Variants in GRM7 observed in about 807,000 individuals in gnomAD.
The protein encoded by GRM7 is metabotropic glutamate receptor 7.
In GRM7, 35 loss-of-function variants were observed where a neutral mutation model predicts 84.5. That is an observed-to-expected ratio of 0.41 (90% CI 0.32 to 0.55). The LOEUF (loss-of-function observed/expected upper bound fraction) is 0.55, where lower values mean the gene tolerates loss of function less well. Ranked by LOEUF, GRM7 falls within the 20% of genes least tolerant of loss-of-function variation. GRM7 has a pLI of 0.19. For missense variants in GRM7, 1,003 were observed against 1,194.6 expected, an observed-to-expected ratio of 0.84 and a Z score of 2.36; for synonymous variants, 487 against 455.1, an observed-to-expected ratio of 1.07 and a Z score of -0.89.
chr3:6,996,057 A>ATT (rs60520890), intron 1 of GRM7, among the ~76,000 whole-genome samples: 9 of 151,270 alleles, frequency 5.9e-5, no homozygotes, highest in South Asian at 2.1e-4. Flanking sequence ...TCTACAATAT[A>ATT]TTTTTTTTTG....
chr3:7,694,833 A>G (rs1315559046), intron 9 of GRM7, among the ~76,000 whole-genome samples: 4 of 152,174 alleles, frequency 2.6e-5, no homozygotes, highest in Admixed American at 2.0e-4. Context: ...CAAACCTTCT[A>G]AAGTACATTT....
intron 8 of GRM7, among the ~76,000 whole-genome samples, chr3:7,640,073 C>T (rs896453214): frequency 2.0e-5 from 3 of 152,140 alleles, no homozygotes; most frequent in African/African-American, 7.2e-5. Context: ...ATAAGACATC[C>T]TTGCCTAACA....
intron 4 of GRM7, among the ~76,000 whole-genome samples, chr3:7,320,017 T>C (rs1700717859): frequency 6.6e-6 from 1 of 152,046 alleles, no homozygotes; most frequent in African/African-American, 2.4e-5. Flanking sequence ...AATTCTACCA[T>C]CCTCATAGAG....
chr3:6,906,078 T>C (rs1696564432), intron 1 of GRM7, among the ~76,000 whole-genome samples: 3 of 152,228 alleles, frequency 2.0e-5, no homozygotes, highest in Non-Finnish European at 4.4e-5. Flanking sequence ...AACATTTTTC[T>C]CCTGGTTTCT....
chr3:7,726,708 T>C (rs1559507986), intron 9 of GRM7, among the ~76,000 whole-genome samples: 1 of 137,106 alleles, frequency 7.3e-6, no homozygotes. Flanking sequence ...GCACACATCA[T>C]GACTGTAATA....
At chr3:7,655,819 T>C (rs184706888) in intron 8 of GRM7, among the ~76,000 whole-genome samples, 3 of 152,286 alleles carry the variant, frequency 2.0e-5, no homozygotes, top group Admixed American at 1.3e-4. Context: ...GGAAATCTGT[T>C]TACCCATGCA....
At chr3:7,448,473 C>T (rs1362895091) in intron 5 of GRM7, among the ~76,000 whole-genome samples, 1 of 152,186 alleles carries the variant, frequency 6.6e-6, no homozygotes, top group Non-Finnish European at 1.5e-5. Context: ...GAAATCCTTA[C>T]TCACATTGGT....
intron 1 of GRM7, among the ~76,000 whole-genome samples, chr3:6,932,619 C>T (rs1697543287): frequency 6.6e-6 from 1 of 151,984 alleles, no homozygotes; most frequent in Admixed American, 6.6e-5. Context: ...TTTCTTACAG[C>T]TTCAATGATA....
chr3:7,738,732 TTTTTTTC>T (rs201937038), intron 9 of GRM7, among the ~76,000 whole-genome samples: 3,984 of 148,648 alleles, frequency 0.027, 182 homozygotes, highest in African/African-American at 0.096. Flanking sequence ...TCTTTTTTTT[TTTTTTTC>T]CCCTTCTTTT....
intron 1 of GRM7, among the ~76,000 whole-genome samples, chr3:6,899,173 T>C (rs896515642): frequency 2.0e-5 from 3 of 152,218 alleles, no homozygotes; most frequent in South Asian, 2.1e-4. Context: ...CATTGAATGC[T>C]TGTTATATCC....
At chr3:6,882,962 T>G (rs941545577) in intron 1 of GRM7, among the ~76,000 whole-genome samples, 15 of 152,198 alleles carry the variant, frequency 9.9e-5, no homozygotes, top group South Asian at 2.1e-4. Context: ...AAGGGCCACT[T>G]TTCAATTTGA....
At chr3:7,103,649 A>G (rs943414342) in intron 1 of GRM7, among the ~76,000 whole-genome samples, 1 of 151,724 alleles carries the variant, frequency 6.6e-6, no homozygotes, top group Non-Finnish European at 1.5e-5. Flanking sequence ...TCCATAATTA[A>G]TTATATACTA....
intron 9 of GRM7, chr3:7,691,373 C>CG: frequency 1.5e-6 from 1 of 648,382 alleles, no homozygotes; most frequent in South Asian, 2.0e-5. Context: ...CATGTGCTAT[C>CG]TTTTTCTCTG....
At chr3:7,492,271 C>A (rs1363115999) in intron 7 of GRM7, among the ~76,000 whole-genome samples, 1 of 152,174 alleles carries the variant, frequency 6.6e-6, no homozygotes, top group East Asian at 1.9e-4. Flanking sequence ...CTAAAACAGG[C>A]AAAATTGGTA....
chr3:7,086,120 G>A (rs936410709), intron 1 of GRM7, among the ~76,000 whole-genome samples: 1 of 152,048 alleles, frequency 6.6e-6, no homozygotes, highest in African/African-American at 2.4e-5. Flanking sequence ...ACAGACACTA[G>A]CAGTCATTAG....
At chr3:7,593,807 C>T (rs1041559985) in intron 8 of GRM7, among the ~76,000 whole-genome samples, 4 of 152,106 alleles carry the variant, frequency 2.6e-5, no homozygotes, top group South Asian at 2.1e-4. Flanking sequence ...TGTTTTAGAA[C>T]GACCACTTGG....
At chr3:7,627,424 A>G (rs1418395515) in intron 8 of GRM7, among the ~76,000 whole-genome samples, 1 of 151,924 alleles carries the variant, frequency 6.6e-6, no homozygotes, top group Non-Finnish European at 1.5e-5. Flanking sequence ...TTTCAGAAAT[A>G]ATGACTCTTA....
rs146478340 is a variant in GRM7 at position 6,979,612 on chromosome 3, T to C, written c.519+117705T>C. Reference sequence around the variant, plus strand: ...GGAGATCACAGAATAACAGTACTTTTACAAGATTACAATTTTTACAAGATT... The same window carrying C: ...GGAGATCACAGAATAACAGTACTTTCACAAGATTACAATTTTTACAAGATT... On this transcript the variant is annotated intron_variant, in intron 1 of 9. Transcript: ENST00000357716. Among the ~76,000 whole-genome samples, 3 of 152,320 alleles carry C rather than the reference T, an allele frequency of 2.0e-5. No individual in the cohort carries two copies. In the East Asian group the frequency reaches 5.8e-4, roughly 29 times the overall value.
chr3:7,660,324 CA>C (rs1327053038), intron 8 of GRM7, among the ~76,000 whole-genome samples: 2 of 152,074 alleles, frequency 1.3e-5, no homozygotes, highest in East Asian at 3.9e-4. Context: ...GCTTTCTTGG[CA>C]AAAACATCTG....
Sources: gnomAD v4.1 joint callset for allele counts (sites outside exome capture counted in the v4.1 genomes callset) on GRCh38, gnomAD v4.1.1 for gene constraint, MANE v1.5 for transcripts, NCBI Gene and HGNC (gene_info 2026-07-23, HGNC 2026-07-21) for gene names.